Variants in ANKS6 observed in about 807,000 individuals in gnomAD.
ANKS6 encodes ankyrin repeat and SAM domain-containing protein 6.
ANKS6 carries 47 observed loss-of-function variants against 77.9 expected under a neutral mutation model. That is an observed-to-expected ratio of 0.60 (90% CI 0.48 to 0.77). ANKS6 has a LOEUF of 0.77. ANKS6 is among the 30% of genes least tolerant of loss of function. The pLI, the probability that ANKS6 is intolerant of heterozygous loss-of-function variation, is 0.00. For synonymous variants in ANKS6, 488 were observed against 501.7 expected (o/e 0.97, Z 0.37); for missense variants, 1,150 against 1,159.1 (o/e 0.99, Z 0.11).
In ANKS6 at chr9:98,733,326, G is replaced by C; in HGVS notation, c.*3193C>G. On this transcript the variant is annotated 3_prime_UTR_variant, in exon 15 of 15. Transcript: ENST00000353234. The stretch of plus-strand genomic sequence containing the variant: ...AGGGACTTGGACATCCAGCACTCAC[G>C]ACACACCAGCAAGACACTGCCTGGG... 1 of 985,470 alleles carries C rather than the reference G, an allele frequency of 1.0e-6. No individual in the cohort carries two copies. Among genetic ancestry groups the C allele is most frequent in the Non-Finnish European group, 1.2e-6 (1 of 829,986 alleles). The allele number at this position is 985,470 out of a possible 1,614,324, so 61.0% of individuals were successfully genotyped here.
intron 11 of ANKS6, among the ~76,000 whole-genome samples, chr9:98,756,925 G>GC (rs1481533063): frequency 2.3e-5 from 3 of 129,840 alleles, no homozygotes; most frequent in Non-Finnish European, 3.2e-5. Flanking sequence ...CTTTGGCCAA[G>GC]CCCCCCGAGC....
intron 2 of ANKS6, among the ~76,000 whole-genome samples, chr9:98,787,551 A>G (rs1160966422): frequency 6.6e-6 from 1 of 152,222 alleles, no homozygotes; most frequent in Non-Finnish European, 1.5e-5. Context: ...CCTGATACAT[A>G]GCAGGCCTCA....
intron 2 of ANKS6, among the ~76,000 whole-genome samples, chr9:98,787,193 C>T (rs1365033272): frequency 1.3e-5 from 2 of 152,106 alleles, no homozygotes; most frequent in East Asian, 3.9e-4. Flanking sequence ...CTGTCATTAT[C>T]AATAGCACAG....
At position 98,790,311 on chromosome 9, in the gene ANKS6, G is replaced by C; in HGVS notation, c.655C>G (p.His219Asp). The C allele has an allele frequency of 6.2e-7, 1 of 1,607,794 alleles. No homozygotes were observed. Among genetic ancestry groups the C allele is most frequent in the Admixed American group, 1.7e-5 (1 of 59,940 alleles). The change falls in exon 2 of 15, where the codon CAC becomes GAC. Residue 219 changes from histidine (H) to aspartate (D), a missense_variant. Transcript: ENST00000353234. ...CTCCAGCCCACGGTCCGGGCTGCGT[G>C]GTTGGGGTCCGCGCCCCACTCCATC... The part of the protein sequence containing the change: ...LLMEWGADPN[H>D]AARTVGWSPL...
intron 9 of ANKS6, among the ~76,000 whole-genome samples, chr9:98,773,270 C>G (rs981323491): frequency 1.3e-4 from 20 of 152,196 alleles, no homozygotes; most frequent in African/African-American, 4.6e-4. Flanking sequence ...ACACGTTTCT[C>G]CAATCACCCA....
At chr9:98,740,170 C>T (rs1831745539) in intron 14 of ANKS6, among the ~76,000 whole-genome samples, 1 of 152,154 alleles carries the variant, frequency 6.6e-6, no homozygotes, top group Non-Finnish European at 1.5e-5. Context: ...TCTTTCATTT[C>T]ATGGACTCCC....
chr9:98,757,473 G>A lies in ANKS6; in HGVS notation c.2143-870C>T, dbSNP rs140858461. On this transcript the variant is annotated intron_variant, in intron 11 of 14. Transcript: ENST00000353234. ...ATTATCTTAAGTTTTCCCATAATTA[G>A]ATGTGCTTGTGAATGTAGGGGGCAA... 3.3e-3 allele frequency among the ~76,000 whole-genome samples: 500 copies of A among 152,280 alleles called. 2 individuals carry two copies. Among genetic ancestry groups the A allele is most frequent in the African/African-American group, 0.011 (471 of 41,566 alleles).
intron 11 of ANKS6, among the ~76,000 whole-genome samples, chr9:98,762,820 G>A (rs1261459071): frequency 6.6e-6 from 1 of 151,752 alleles, no homozygotes; most frequent in Non-Finnish European, 1.5e-5. Context: ...TATTCATGAG[G>A]GCTACTGGTC....
chr9:98,747,765 C>T (rs1190099902), intron 13 of ANKS6, among the ~76,000 whole-genome samples: 1 of 152,184 alleles, frequency 6.6e-6, no homozygotes, highest in Non-Finnish European at 1.5e-5. Flanking sequence ...TATTCTTCCC[C>T]TTCTGCCCTT....
At position 98,784,169 on chromosome 9, in the gene ANKS6, A is replaced by T. The variant is rs1343862870; in HGVS notation, c.908-12T>A. 1 of 1,513,540 alleles carries T rather than the reference A, an allele frequency of 6.6e-7. No individual in the cohort carries two copies. The highest frequency in any genetic ancestry group is 8.9e-7 in the Non-Finnish European group (1 of 1,123,376). 93.8% of individuals were successfully genotyped at this position (1,513,540 alleles called of 1,614,324 possible). A position where few individuals can be genotyped will look rare whatever the true frequency, so the allele number is the denominator to read the frequency against. ...CAGCTGGAAGTTTCCTGCAAACACA[A>T]GCAGGAGTCCGGGTGAACTGTGGGC... is the stretch of plus-strand genomic sequence containing the variant. On this transcript the variant is annotated splice_polypyrimidine_tract_variant and intron_variant, in intron 3 of 14. Transcript: ENST00000353234.
Position 98,790,212 on chromosome 9 carries a change from C to G in ANKS6, c.754G>C (p.Asp252His), listed in dbSNP as rs1011234742. 3.7e-6 allele frequency: 6 copies of G among 1,607,234 alleles called. No individual in the cohort carries two copies. The African/African-American group carries it at 6.7e-5, about 18-fold the overall frequency. ...GTCTTCTCCAGCACGCTGAGGTGGT[C>G]AGGGTTGGCGCCCTTCTCCACCAGC... Reference protein sequence around the residue: ...QQLVEKGANPDHLSVLEKTAF... With the variant: ...QQLVEKGANPHHLSVLEKTAF... The change falls in exon 2 of 15, where the codon GAC (aspartate) becomes CAC (histidine). Residue 252 changes from aspartate (D) to histidine (H), a missense_variant. Asp to His is a moderately conservative substitution (Grantham distance 81). Transcript: ENST00000353234.
In ANKS6 at chr9:98,735,520, G is replaced by A. The variant is rs1831450760; in HGVS notation, c.*999C>T. ...TTGAGGAACACAGCATTAATAGGAT[G>A]TAGACAAAATTCCAAATTTTCACTT... On this transcript the variant is annotated 3_prime_UTR_variant, in exon 15 of 15. Coordinates refer to ENST00000353234, the MANE Select transcript of ANKS6 (RefSeq NM_173551.5). 1 of 1,229,636 alleles carries A rather than the reference G, an allele frequency of 8.1e-7. No individual in the cohort carries two copies. 76.2% of individuals were successfully genotyped at this position (1,229,636 alleles called of 1,614,324 possible). A position where few individuals can be genotyped will look rare whatever the true frequency, so the allele number is the denominator to read the frequency against.
intron 11 of ANKS6, among the ~76,000 whole-genome samples, chr9:98,763,883 T>C (rs1833139563): frequency 6.6e-6 from 1 of 152,104 alleles, no homozygotes; most frequent in Non-Finnish European, 1.5e-5. Context: ...TAAAAGGGAA[T>C]AATTCCTTGA....
intron 9 of ANKS6, among the ~76,000 whole-genome samples, chr9:98,771,826 C>T (rs1212170676): frequency 2.2e-4 from 34 of 152,108 alleles, no homozygotes; most frequent in Admixed American, 2.2e-3. Flanking sequence ...CCGTGTAGGG[C>T]AGGCTCCTCA....
intron 4 of ANKS6, 115 bp from the exon 5 acceptor site, chr9:98,782,688 G>A: frequency 1.3e-6 from 1 of 782,146 alleles, no homozygotes; most frequent in Non-Finnish European, 2.2e-6. Flanking sequence ...AGAAGGACAT[G>A]GAAGGGCAAA....
chr9:98,740,002 G>A (rs373633083), intron 14 of ANKS6, among the ~76,000 whole-genome samples: 7 of 152,050 alleles, frequency 4.6e-5, no homozygotes, highest in Admixed American at 1.3e-4. Context: ...TGATCCGCCC[G>A]CCTCGGCCTC....
Position 98,783,168 on chromosome 9 carries a change from C to G in ANKS6, c.1113-595G>C, listed in dbSNP as rs372941916. 1.5e-4 allele frequency among the ~76,000 whole-genome samples: 23 copies of G among 152,136 alleles called. No homozygotes were observed. In the East Asian group the frequency reaches 1.7e-3, roughly 11 times the overall value. On this transcript the variant is annotated intron_variant, in intron 4 of 14. Coordinates refer to ENST00000353234, the MANE Select transcript of ANKS6 (RefSeq NM_173551.5). Reference sequence around the variant, plus strand: ...AGGGGAGAGGAGACAAAACCAACAGCTCTGCCCAAAAATCACTGACCCCAT... The same window carrying G: ...AGGGGAGAGGAGACAAAACCAACAGGTCTGCCCAAAAATCACTGACCCCAT...
Position 98,796,132 on chromosome 9 carries a change from C to A in ANKS6, c.359+1G>T. ...CGGGCCCCCGGGCCCCGCCGCCTCA[C>A]CTGGCCGCCTGCATGAGCGCGCTCC... is the stretch of plus-strand genomic sequence containing the variant. On this transcript the variant is annotated splice_donor_variant, in intron 1 of 14. Coordinates refer to ENST00000353234, the MANE Select transcript of ANKS6 (RefSeq NM_173551.5). LOFTEE classifies it high-confidence loss of function. 1 of 1,369,730 alleles carries A rather than the reference C, an allele frequency of 7.3e-7. No homozygotes were observed. The highest frequency in any genetic ancestry group is 1.7e-5 in the South Asian group (1 of 59,888). The allele number at this position is 1,369,730 out of a possible 1,614,324, so 84.8% of individuals were successfully genotyped here.
rs1245042413 is a variant in ANKS6, at chr9:98,773,992, A to T, written c.1706T>A (p.Leu569Gln). The change falls in exon 9 of 15, where the codon CTG becomes CAG. Residue 569 changes from leucine to glutamine, a missense_variant. Coordinates refer to ENST00000353234, the MANE Select transcript of ANKS6 (RefSeq NM_173551.5). ...PPFLPPSSFE[L>Q]WSSDRSRTRH... ...CGTCCGGGACCGATCAGAGCTCCACAGCTCAAAACTGGAAGGGGGTAGGAA... is the reference window on the plus strand; with the variant it reads ...CGTCCGGGACCGATCAGAGCTCCACTGCTCAAAACTGGAAGGGGGTAGGAA... 2 of 1,556,604 alleles carry T rather than the reference A, an allele frequency of 1.3e-6. No homozygotes were observed. Among genetic ancestry groups the T allele is most frequent in the Admixed American group, 3.6e-5 (2 of 56,132 alleles).
Sources: gnomAD v4.1 joint callset for allele counts (sites outside exome capture counted in the v4.1 genomes callset) on GRCh38, gnomAD v4.1.1 for gene constraint, MANE v1.5 for transcripts, NCBI Gene and HGNC (gene_info 2026-07-23, HGNC 2026-07-21) for gene names.